The following HDAC9 variants were observed in gnomAD, a reference collection of about 807,000 sequenced individuals.
HDAC9 encodes the protein histone deacetylase 9.
Under a neutral mutation model 139.4 loss-of-function variants are expected in HDAC9, and 41 were observed. That is an observed-to-expected ratio of 0.29 (90% CI 0.23 to 0.38). The LOEUF (loss-of-function observed/expected upper bound fraction) is 0.38. Ranked by LOEUF, HDAC9 falls within the 10% of genes least tolerant of loss-of-function variation. The pLI is 1.00. For missense variants in HDAC9, 1,147 were observed against 1,297.0 expected, an observed-to-expected ratio of 0.88 and a Z score of 1.78; for synonymous variants, 517 against 476.2, an observed-to-expected ratio of 1.09 and a Z score of -1.12.
At chr7:18,876,544 A>G (rs1036185761) in intron 22 of HDAC9, among the ~76,000 whole-genome samples, 1 of 152,228 alleles carries the variant, frequency 6.6e-6, no homozygotes, top group Non-Finnish European at 1.5e-5. Context: ...CTCTTCACAT[A>G]TCTTATAGAT....
intron 2 of HDAC9, among the ~76,000 whole-genome samples, chr7:18,173,732 G>C (rs1009202215): frequency 1.3e-5 from 2 of 152,132 alleles, no homozygotes; most frequent in African/African-American, 4.8e-5. Context: ...TGAAATTCTG[G>C]GTTGAAAATT....
intron 23 of HDAC9, among the ~76,000 whole-genome samples, chr7:18,936,368 A>G (rs566640628): frequency 6.6e-6 from 1 of 152,362 alleles, no homozygotes; most frequent in African/African-American, 2.4e-5. Context: ...AGGTATTTCC[A>G]TCTTACAGAT....
chr7:18,198,094 T>A (rs1790849810), intron 2 of HDAC9, among the ~76,000 whole-genome samples: 2 of 152,148 alleles, frequency 1.3e-5, no homozygotes, highest in African/African-American at 4.8e-5. Flanking sequence ...AAGCAAATCA[T>A]CTTTTATATC....
rs193252647 is a variant in HDAC9 at position 18,171,860 on chromosome 7, G to A, written c.25+9511G>A. ...GGATTTGGTTTGCCAGTATTTTGTT[G>A]AGGACTTTTGCATCGATGTTCATCA... On this transcript the variant is annotated intron_variant, in intron 2 of 12. Coordinates refer to the HDAC9 transcript ENST00000417496. Among the ~76,000 whole-genome samples, 20 of 152,300 alleles carry A rather than the reference G, an allele frequency of 1.3e-4. 1 individual carries two copies. In the East Asian group the frequency reaches 3.5e-3, roughly 26 times the overall value.
chr7:18,240,877 TC>T (rs1794144529), intron 2 of HDAC9, among the ~76,000 whole-genome samples: 1 of 152,192 alleles, frequency 6.6e-6, no homozygotes, highest in Admixed American at 6.5e-5. Flanking sequence ...TTATCTCTTC[TC>T]CCAGAAATTT....
chr7:18,436,060 C>A (rs926006798), intron 1 of HDAC9, among the ~76,000 whole-genome samples: 4 of 151,712 alleles, frequency 2.6e-5, no homozygotes, highest in Admixed American at 2.0e-4. Context: ...TCAGGCAATC[C>A]ACCTGCCTTG....
At chr7:18,272,323 C>T (rs1470845952) in intron 2 of HDAC9, among the ~76,000 whole-genome samples, 3 of 152,128 alleles carry the variant, frequency 2.0e-5, no homozygotes, top group African/African-American at 4.8e-5. Context: ...TCTTTCTTGA[C>T]GGGGGCATAT....
intron 1 of HDAC9, among the ~76,000 whole-genome samples, chr7:18,094,447 T>TC (rs1782371110): frequency 6.6e-6 from 1 of 151,486 alleles, no homozygotes; most frequent in East Asian, 1.9e-4. Context: ...TACTTTTTTT[T>TC]TTTTTTTTTT....
intron 1 of HDAC9, among the ~76,000 whole-genome samples, chr7:18,378,632 C>T (rs1785185204): frequency 6.6e-6 from 1 of 151,972 alleles, no homozygotes; most frequent in Non-Finnish European, 1.5e-5. Flanking sequence ...TAAATATATG[C>T]ACACATGCCT....
In HDAC9 at chr7:18,594,005, G is replaced by A. The variant is rs750608680; in HGVS notation, c.640G>A (p.Asp214Asn). The change falls in exon 6 of 26, where the codon GAT (aspartate) becomes AAT (asparagine). Residue 214 changes from aspartate to asparagine, a missense_variant. Physicochemically the swap from Asp to Asn is conservative, Grantham distance 23. This residue lies in a region of HDAC9 where 79 missense variants were observed against 65.8 expected (regional missense o/e 1.20). Transcript: ENST00000686413. ...ATTACCAGGAGCACAAGATGCAAAG[G>A]ATGATTTCCCCCTTCGAAAAACTGG... Reference protein sequence around the residue: ...YTLPGAQDAKDDFPLRKTASE... With the variant: ...YTLPGAQDAKNDFPLRKTASE... 2 of 1,612,642 alleles carry A rather than the reference G, an allele frequency of 1.2e-6. No homozygotes were observed. Among genetic ancestry groups the A allele is most frequent in the Admixed American group, 1.7e-5 (1 of 59,868 alleles).
At chr7:18,875,938 A>G (rs2129248949) in intron 22 of HDAC9, among the ~76,000 whole-genome samples, 1 of 152,260 alleles carries the variant, frequency 6.6e-6, no homozygotes, top group Middle Eastern at 3.4e-3. Context: ...GGAACTCTGG[A>G]AAAGTTGTTC....
chr7:18,829,309 A>T, intron 18 of HDAC9, 93 bp downstream of exon 18: 2 of 1,183,916 alleles, frequency 1.7e-6, no homozygotes, highest in Non-Finnish European at 2.5e-6. Flanking sequence ...AATTGTTAGC[A>T]GATGGACTGA....
At chr7:18,708,149 G>C (rs1033550685) in intron 12 of HDAC9, among the ~76,000 whole-genome samples, 2 of 151,188 alleles carry the variant, frequency 1.3e-5, no homozygotes, top group African/African-American at 4.9e-5. Context: ...GTGTAGAGGA[G>C]GGGGCAGGAA....
At chr7:18,695,632 C>G (rs543098997) in intron 12 of HDAC9, among the ~76,000 whole-genome samples, 6 of 152,198 alleles carry the variant, frequency 3.9e-5, no homozygotes, top group African/African-American at 1.4e-4. Context: ...TTTAGTTTGA[C>G]CTTGATGTCA....
intron 24 of HDAC9, among the ~76,000 whole-genome samples, chr7:18,965,859 G>T (rs754205157): frequency 6.6e-6 from 1 of 152,202 alleles, no homozygotes; most frequent in Non-Finnish European, 1.5e-5. Context: ...GAATGGAAAT[G>T]AGGTTGTGTG....
intron 13 of HDAC9, among the ~76,000 whole-genome samples, chr7:18,740,088 A>C (rs1022103694): frequency 3.3e-5 from 5 of 152,230 alleles, no homozygotes; most frequent in Admixed American, 3.3e-4. Flanking sequence ...GGCACGGAAG[A>C]GAATCTCCTC....
intron 1 of HDAC9, among the ~76,000 whole-genome samples, chr7:18,395,935 A>G (rs1786988377): frequency 6.6e-6 from 1 of 152,050 alleles, no homozygotes; most frequent in Non-Finnish European, 1.5e-5. Context: ...CTAGTAGTTG[A>G]TTCTGTTTTA....
chr7:18,716,761 A>G (rs898174561), intron 12 of HDAC9, among the ~76,000 whole-genome samples: 1 of 152,182 alleles, frequency 6.6e-6, no homozygotes, highest in Non-Finnish European at 1.5e-5. Flanking sequence ...ACCTCAATCC[A>G]GAATCATGGG....
At chr7:18,825,696 T>A (rs1310634595) in intron 17 of HDAC9, among the ~76,000 whole-genome samples, 1 of 149,570 alleles carries the variant, frequency 6.7e-6, no homozygotes, top group Non-Finnish European at 1.5e-5. Flanking sequence ...AGGACAAAGA[T>A]TTTATATATA....
Sources: allele counts gnomAD v4.1 joint callset (sites outside exome capture counted in the v4.1 genomes callset), GRCh38; gene constraint gnomAD v4.1.1; regional missense constraint gnomAD v4.1.1; transcripts MANE v1.5; gene names NCBI Gene and HGNC (gene_info 2026-07-23, HGNC 2026-07-21).